SNX29: variants seen among roughly 807,000 people sequenced by gnomAD.
The protein encoded by SNX29 is sorting nexin-29.
Under a neutral mutation model 102.1 loss-of-function variants are expected in SNX29, and 78 were observed. The ratio of observed to expected loss-of-function variants is 0.76; its 90% confidence interval spans 0.64 to 0.92. The LOEUF (loss-of-function observed/expected upper bound fraction) is 0.92. Ranked by LOEUF, SNX29 falls within the 40% of genes least tolerant of loss-of-function variation. The pLI is 0.00. For synonymous variants in SNX29, 580 were observed against 414.5 expected, an observed-to-expected ratio of 1.40 and a Z score of -4.85; for missense variants, 1,280 against 1,061.7, an observed-to-expected ratio of 1.21 and a Z score of -2.86.
At chr16:12,123,930 TTTATCC>T (rs1339363869) in intron 11 of SNX29, among the ~76,000 whole-genome samples, 1 of 152,208 alleles carries the variant, frequency 6.6e-6, no homozygotes, top group Non-Finnish European at 1.5e-5. Context: ...TGGTCCCTGC[TTTATCC>T]TATGAGGTTG....
rs532395328 is a variant in SNX29 at position 12,451,303 on chromosome 16, A to G, written c.2038-26416A>G. On this transcript the variant is annotated intron_variant, in intron 18 of 20. Coordinates refer to ENST00000566228, the MANE Select transcript of SNX29 (RefSeq NM_032167.5). Reference sequence around the variant, plus strand: ...ATAGAAAATTAGCTTCTTCCCCACCAGCTCCACCAAGTTTATGTTTCGTCT... The same window carrying G: ...ATAGAAAATTAGCTTCTTCCCCACCGGCTCCACCAAGTTTATGTTTCGTCT... Among the ~76,000 whole-genome samples, 33 of 152,312 alleles carry G rather than the reference A, an allele frequency of 2.2e-4. No homozygotes were observed. The East Asian group carries it at 6.2e-3, about 29-fold the overall frequency.
chr16:12,015,503 G>A (rs568445210), intron 3 of SNX29, among the ~76,000 whole-genome samples: 1 of 151,276 alleles, frequency 6.6e-6, no homozygotes, highest in South Asian at 2.1e-4. Flanking sequence ...CTCCCAAAGT[G>A]CTGGGATTAT....
chr16:12,527,949 C>T (rs1463413989), intron 20 of SNX29, among the ~76,000 whole-genome samples: 5 of 151,228 alleles, frequency 3.3e-5, no homozygotes, highest in South Asian at 4.2e-4. Flanking sequence ...TTCAGCCTCC[C>T]GAGTAGCTGG....
intron 18 of SNX29, among the ~76,000 whole-genome samples, chr16:12,432,710 C>G (rs1225614753): frequency 1.3e-5 from 2 of 152,188 alleles, no homozygotes; most frequent in Non-Finnish European, 2.9e-5. Context: ...TTGACAGTGA[C>G]AGGAGCTTGG....
intron 16 of SNX29, among the ~76,000 whole-genome samples, chr16:12,378,099 T>G (rs1309053655): frequency 6.6e-6 from 1 of 152,106 alleles, no homozygotes; most frequent in Non-Finnish European, 1.5e-5. Flanking sequence ...AGTCCAGAGG[T>G]AGGTGAGTGC....
intron 1 of SNX29, chr16:11,983,704 ACTCCAGGT>A (rs1268349929): frequency 1.0e-6 from 1 of 985,068 alleles, no homozygotes; most frequent in Non-Finnish European, 1.2e-6. Context: ...TGGTTGCTTG[ACTCCAGGT>A]AACTGATAGG....
chr16:12,305,888 A>G (rs2080322197), intron 15 of SNX29, among the ~76,000 whole-genome samples: 2 of 152,214 alleles, frequency 1.3e-5, no homozygotes, highest in Admixed American at 1.3e-4. Flanking sequence ...TCGGATTTAA[A>G]AGGCTCTGTA....
At chr16:12,202,564 G>A (rs1329539596) in intron 14 of SNX29, among the ~76,000 whole-genome samples, 3 of 152,196 alleles carry the variant, frequency 2.0e-5, no homozygotes, top group African/African-American at 7.2e-5. Flanking sequence ...ATTCCACTTC[G>A]TTGTAACTCT....
chr16:12,558,535 C>T (rs559713099), intron 20 of SNX29, among the ~76,000 whole-genome samples: 17 of 152,336 alleles, frequency 1.1e-4, no homozygotes, highest in African/African-American at 3.8e-4. Flanking sequence ...GATGCACACA[C>T]CCCACAGTGC....
chr16:12,208,032 G>C (rs903655737), intron 14 of SNX29, among the ~76,000 whole-genome samples: 1 of 152,238 alleles, frequency 6.6e-6, no homozygotes, highest in African/African-American at 2.4e-5. Context: ...GAGTCACAGA[G>C]ATGTTGATGT....
rs570278691 is a variant in SNX29 at position 12,335,665 on chromosome 16, G to C, written c.1783-20498G>C. Among the ~76,000 whole-genome samples, 129 of 152,324 alleles carry C rather than the reference G, an allele frequency of 8.5e-4. 6 individuals carry two copies. The South Asian group carries it at 0.023, about 27-fold the overall frequency. ...CACTCCAGACGGGGTGACGGAGTGA[G>C]ACCGTGTCAGCGTTGGGGGTTTGGG... On this transcript the variant is annotated intron_variant, in intron 15 of 20. Transcript: ENST00000566228.
chr16:12,337,977 C>G (rs1388583359), intron 15 of SNX29, among the ~76,000 whole-genome samples: 1 of 152,132 alleles, frequency 6.6e-6, no homozygotes, highest in Admixed American at 6.5e-5. Context: ...GTGCTGCGGT[C>G]TTTGGGTTGA....
At chr16:12,416,494 A>G (rs2084642781) in intron 18 of SNX29, among the ~76,000 whole-genome samples, 1 of 152,192 alleles carries the variant, frequency 6.6e-6, no homozygotes, top group Non-Finnish European at 1.5e-5. Flanking sequence ...TTGATTACAA[A>G]ACAGATACAT....
In SNX29 at chr16:12,574,158, ATTT is replaced by A. The variant is rs1335759631; in HGVS notation, c.*5533_*5535del. On this transcript the variant is annotated 3_prime_UTR_variant, in exon 21 of 21. Coordinates refer to ENST00000566228, the MANE Select transcript of SNX29 (RefSeq NM_032167.5). ...TAGGATTTTTAAACAAATGTGTTTA[ATTT>A]TTTAAGATCTCTTGTATTAAAATTT... 3 of 180,916 alleles carry A rather than the reference ATTT, an allele frequency of 1.7e-5. No homozygotes were observed. Among genetic ancestry groups the A allele is most frequent in the Admixed American group, 6.3e-5 (1 of 15,910 alleles). 11.2% of individuals were successfully genotyped at this position (180,916 alleles called of 1,614,324 possible). A position where few individuals can be genotyped will look rare whatever the true frequency, so the allele number is the denominator to read the frequency against.
intron 4 of SNX29, among the ~76,000 whole-genome samples, chr16:12,028,634 G>C (rs1360393454): frequency 6.6e-6 from 1 of 151,774 alleles, no homozygotes; most frequent in Non-Finnish European, 1.5e-5. Context: ...AACTAGCTGG[G>C]ATTACAAATG....
intron 16 of SNX29, among the ~76,000 whole-genome samples, chr16:12,394,042 C>T (rs997369161): frequency 5.3e-5 from 8 of 152,198 alleles, no homozygotes; most frequent in Admixed American, 1.3e-4. Flanking sequence ...GACCTGTGTT[C>T]CCAGAGATGG....
At chr16:12,136,591 C>T (rs750971246) in intron 13 of SNX29, among the ~76,000 whole-genome samples, 6 of 152,206 alleles carry the variant, frequency 3.9e-5, no homozygotes, top group East Asian at 3.8e-4. Context: ...CCCTTGGCGC[C>T]GCCCTCTGCG....
At chr16:12,562,879 C>T (rs774129300) in intron 20 of SNX29, among the ~76,000 whole-genome samples, 11 of 152,162 alleles carry the variant, frequency 7.2e-5, no homozygotes, top group African/African-American at 2.4e-4. Context: ...TTTGTCATTT[C>T]TAGTTTTGGG....
rs142637150 is a variant in SNX29, at chr16:12,144,143, A to G, written c.1595+14385A>G. ...CCTAGACCACACATTTTAAGTAGCA[A>G]GGACTTAAGAGAGGATGCCAGCAAT... On this transcript the variant is annotated intron_variant, in intron 13 of 20. Coordinates refer to ENST00000566228, the MANE Select transcript of SNX29 (RefSeq NM_032167.5). Among the ~76,000 whole-genome samples the G allele has an allele frequency of 2.8e-3, 430 of 152,300 alleles. 2 individuals carry two copies. The highest frequency in any genetic ancestry group is 9.8e-3 in the African/African-American group (406 of 41,564).
Sources: gnomAD v4.1 joint callset for allele counts (sites outside exome capture counted in the v4.1 genomes callset) on GRCh38, gnomAD v4.1.1 for gene constraint, MANE v1.5 for transcripts, NCBI Gene and HGNC (gene_info 2026-07-23, HGNC 2026-07-21) for gene names.